STAG2: variants seen among roughly 807,000 people sequenced by gnomAD.
The protein encoded by STAG2 is STAG2 cohesin complex component.
STAG2 carries 14 observed loss-of-function variants against 108.1 expected under a neutral mutation model. The observed-to-expected ratio is 0.13, with a 90% CI of 0.09 to 0.20. The LOEUF (loss-of-function observed/expected upper bound fraction) is 0.20, where lower values mean the gene tolerates loss of function less well. Among genes scored for constraint, STAG2 ranks in the 10% least tolerant of loss-of-function variants. STAG2 has a pLI of 1.00. For missense variants in STAG2, 440 were observed against 940.9 expected, an observed-to-expected ratio of 0.47 and a Z score of 6.96; for synonymous variants, 307 against 302.7, an observed-to-expected ratio of 1.01 and a Z score of -0.15.
intron 1 of STAG2, chrX:123,963,477 TAA>T (rs1371580023): frequency 9.0e-6 from 1 of 111,620 alleles, no homozygotes; most frequent in East Asian, 2.8e-4. Flanking sequence ...CACTTAACGT[TAA>T]AATGCCTGGT....
intron 1 of STAG2, among the ~76,000 whole-genome samples, chrX:123,965,607 A>G (rs1408726439): frequency 8.9e-6 from 1 of 112,061 alleles, no homozygotes; most frequent in Non-Finnish European, 1.9e-5. Context: ...GTGGGAAGGT[A>G]GTAAACAGAG....
rs1463151506 is a variant in STAG2 at position 124,006,388 on chromosome X, A to G, written c.-162-14979A>G. Among the ~76,000 whole-genome samples the G allele has an allele frequency of 4.5e-5, 5 of 109,986 alleles. No individual in the cohort carries two copies. The East Asian group carries it at 1.4e-3, about 31-fold the overall frequency. ...TAGTTTACATTTCCACCAGCAGTGT[A>G]TAAGAATCAGTTTCTCTGCATCTTT... On this transcript the variant is annotated intron_variant, in intron 1 of 34. Transcript: ENST00000371145.
At chrX:123,986,753 AAAACGTTTTGG>A (rs2055205011) in intron 1 of STAG2, among the ~76,000 whole-genome samples, 2 of 112,289 alleles carry the variant, frequency 1.8e-5, no homozygotes, top group South Asian at 7.3e-4. Context: ...CTAAGATGAA[AAAACGTTTTGG>A]AAAGCATTTG....
At position 124,083,484 on chromosome X, in the gene STAG2, T is replaced by C; in HGVS notation, c.2988T>C (p.Asn996=). Residue 996 remains asparagine (N), a synonymous_variant, in exon 29 of 35, where the codon AAT becomes AAC. Transcript: ENST00000371145. ...NPQGESHPPL[N]LAFLDILSEF... ...AAGGGGAGAGCCATCCACCTTTAAA[T>C]TTGGCATTTCTTGATATTCTGAGTG... The C allele has an allele frequency of 8.3e-7, 1 of 1,200,596 alleles. No individual in the cohort carries two copies. The highest frequency in any genetic ancestry group is 1.1e-6 in the Non-Finnish European group (1 of 888,417).
chrX:124,086,851 A>G, intron 30 of STAG2, 81 bp downstream of exon 30: 1 of 778,843 alleles, frequency 1.3e-6, no homozygotes, highest in Non-Finnish European at 1.8e-6. Flanking sequence ...CTTATTTTTT[A>G]TTTGAGATGT....
At chrX:124,085,401 A>T (rs2059074650) in intron 29 of STAG2, among the ~76,000 whole-genome samples, 1 of 111,069 alleles carries the variant, frequency 9.0e-6, no homozygotes, top group Non-Finnish European at 1.9e-5. Context: ...CTTGTTGCAG[A>T]CTTAACAGTT....
chrX:123,995,468 G>C (rs967219695), intron 1 of STAG2, among the ~76,000 whole-genome samples: 1 of 111,498 alleles, frequency 9.0e-6, no homozygotes, highest in East Asian at 2.8e-4. Flanking sequence ...GCCGAGGCGG[G>C]TGGATCACGA....
At chrX:124,044,650 A>G (rs1324696655) in intron 7 of STAG2, among the ~76,000 whole-genome samples, 1 of 111,692 alleles carries the variant, frequency 9.0e-6, no homozygotes, top group Non-Finnish European at 1.9e-5. Flanking sequence ...TTCCAAGGCA[A>G]TACTAGCTAC....
intron 1 of STAG2, among the ~76,000 whole-genome samples, chrX:123,999,367 T>C (rs1172465202): frequency 9.0e-6 from 1 of 111,175 alleles, no homozygotes; most frequent in Non-Finnish European, 1.9e-5. Flanking sequence ...TAAACATGTA[T>C]CATATCTGGT....
intron 1 of STAG2, among the ~76,000 whole-genome samples, chrX:124,012,933 TGA>T (rs1480510920): frequency 8.9e-6 from 1 of 111,760 alleles, no homozygotes; most frequent in Non-Finnish European, 1.9e-5. Flanking sequence ...TGTAATCTAT[TGA>T]GAGTATGTGA....
In STAG2 at chrX:124,017,546, G is replaced by A. The variant is rs2056775710; in HGVS notation, c.-162-3821G>A. 2.7e-5 allele frequency among the ~76,000 whole-genome samples: 3 copies of A among 111,229 alleles called. No individual in the cohort carries two copies. The South Asian group carries it at 1.1e-3, about 42-fold the overall frequency. Reference sequence around the variant, plus strand: ...GACCTTTAAAACAGTAATTATTTTGGGGGGAAAAAAATTAAATCATATCAA... The same window carrying A: ...GACCTTTAAAACAGTAATTATTTTGAGGGGAAAAAAATTAAATCATATCAA... On this transcript the variant is annotated intron_variant, in intron 1 of 34. Transcript: ENST00000371145.
intron 15 of STAG2, among the ~76,000 whole-genome samples, chrX:124,060,050 T>C: frequency 8.9e-6 from 1 of 112,042 alleles, no homozygotes; most frequent in Non-Finnish European, 1.9e-5. Context: ...TTTGACAGCT[T>C]TTTTTTGTAT....
intron 6 of STAG2, among the ~76,000 whole-genome samples, chrX:124,039,846 A>G (rs2057651679): frequency 9.1e-6 from 1 of 109,390 alleles, no homozygotes; most frequent in Non-Finnish European, 1.9e-5. Context: ...GCCGCAGAGC[A>G]TGTTCCCTTT....
chrX:123,993,711 T>C (rs1247166881), intron 1 of STAG2, among the ~76,000 whole-genome samples: 1 of 111,380 alleles, frequency 9.0e-6, no homozygotes, highest in Non-Finnish European at 1.9e-5. Flanking sequence ...TAAAGTGGAG[T>C]ATGGATTCAC....
At chrX:124,021,280 G>C (rs2056919261) in intron 1 of STAG2, 87 bp from the exon 2 acceptor site, 1 of 111,672 alleles carries the variant, frequency 9.0e-6, no homozygotes, top group Non-Finnish European at 1.9e-5. Context: ...AACCTACTGG[G>C]AGAAGTCATT....
At chrX:124,053,781 A>G (rs189923146) in intron 13 of STAG2, among the ~76,000 whole-genome samples, 1 of 112,071 alleles carries the variant, frequency 8.9e-6, no homozygotes, top group African/African-American at 3.2e-5. Context: ...AAATGTCTGT[A>G]TGGCATAAAA....
At chrX:124,061,743 CTTT>C (rs36097834) in intron 16 of STAG2, 25 bp from the exon 17 acceptor site, 14,316 of 454,001 alleles carry the variant, frequency 0.032, 1 homozygote, top group East Asian at 0.054. Context: ...CTCTTTCTGA[CTTT>C]TTTTTTTTTT....
At chrX:124,068,688 G>A in intron 24 of STAG2, 32 bp downstream of exon 24, 1 of 981,994 alleles carries the variant, frequency 1.0e-6, no homozygotes, top group South Asian at 2.3e-5. Context: ...TAATCTTTTT[G>A]TAAGCAACCT....
rs990807364 is a variant in STAG2 at position 124,101,205 on chromosome X, A to T, written c.*608A>T. Reference sequence around the variant, plus strand: ...TCTAAAAGTATTTTAAGATATTTTTAAAATCCAAGAGCTTCTCTATACTTT... The same window carrying T: ...TCTAAAAGTATTTTAAGATATTTTTTAAATCCAAGAGCTTCTCTATACTTT... On this transcript the variant is annotated 3_prime_UTR_variant, in exon 35 of 35. Coordinates refer to ENST00000371145, the MANE Select transcript of STAG2 (RefSeq NM_001042750.2). 1 of 151,078 alleles carries T rather than the reference A, an allele frequency of 6.6e-6. No individual in the cohort carries two copies. Among genetic ancestry groups the T allele is most frequent in the African/African-American group, 3.0e-5 (1 of 33,173 alleles). 12.5% of individuals were successfully genotyped at this position (151,078 alleles called of 1,213,427 possible). A position where few individuals can be genotyped will look rare whatever the true frequency, so the allele number is the denominator to read the frequency against.
Sources: gnomAD v4.1 joint callset for allele counts (sites outside exome capture counted in the v4.1 genomes callset) on GRCh38, gnomAD v4.1.1 for gene constraint, MANE v1.5 for transcripts, NCBI Gene and HGNC (gene_info 2026-07-23, HGNC 2026-07-21) for gene names.